The following PACSIN1 variants were observed in gnomAD, a reference collection of about 807,000 sequenced individuals.
PACSIN1 encodes the protein protein kinase C and casein kinase substrate in neurons protein 1.
In PACSIN1, 15 loss-of-function variants were observed where a neutral mutation model predicts 59.5. The ratio of observed to expected loss-of-function variants is 0.25; its 90% confidence interval spans 0.17 to 0.39. The LOEUF is 0.39. PACSIN1 is among the 10% of genes least tolerant of loss of function. PACSIN1 has a pLI of 1.00. For missense variants in PACSIN1, 420 were observed against 580.2 expected (o/e 0.72, Z 2.84); for synonymous variants, 210 against 220.6 (o/e 0.95, Z 0.42).
At chr6:34,478,521 C>A (rs888717529) in intron 1 of PACSIN1, among the ~76,000 whole-genome samples, 40 of 151,682 alleles carry the variant, frequency 2.6e-4, no homozygotes, top group Admixed American at 3.3e-4. Flanking sequence ...TGCAGGCATG[C>A]GTCACCACAC....
Position 34,529,853 on chromosome 6 carries a change from T to C in PACSIN1, c.788+12T>C. 6.2e-7 allele frequency: 1 copy of C among 1,611,524 alleles called. No homozygotes were observed. Among genetic ancestry groups the C allele is most frequent in the Non-Finnish European group, 8.5e-7 (1 of 1,178,852 alleles). On this transcript the variant is annotated intron_variant, in intron 6 of 9. Coordinates refer to ENST00000244458, the MANE Select transcript of PACSIN1 (RefSeq NM_020804.5). This position sits in a 1 kb window ranked among gnomAD's most constrained non-coding sequence, Gnocchi z 6.3. ...GCTGAGAACAGCAGGTACCTGGGCA[T>C]GGCAGGCACCGAGGGCACAGGCACA...
intron 1 of PACSIN1, among the ~76,000 whole-genome samples, chr6:34,472,593 C>T (rs1766587251): frequency 6.6e-6 from 1 of 152,176 alleles, no homozygotes; most frequent in Non-Finnish European, 1.5e-5. Flanking sequence ...ACGTAAACTC[C>T]ATTCCCCTTA....
At chr6:34,492,674 G>A (rs1195649063) in intron 1 of PACSIN1, among the ~76,000 whole-genome samples, 1 of 152,204 alleles carries the variant, frequency 6.6e-6, no homozygotes, top group African/African-American at 2.4e-5. Context: ...GAGCCACTAC[G>A]CCCGGCCTGG....
rs1051037657 is a variant in PACSIN1, at chr6:34,521,164, G to A, written c.-63-5079G>A. ...GACATTCCTGTGGGAAGGAGGACACGCAACGTGATGAATGCCGTGCTGTGG... is the reference window on the plus strand; with the variant it reads ...GACATTCCTGTGGGAAGGAGGACACACAACGTGATGAATGCCGTGCTGTGG... On this transcript the variant is annotated intron_variant, in intron 1 of 9. Coordinates refer to ENST00000244458, the MANE Select transcript of PACSIN1 (RefSeq NM_020804.5). The surrounding 1 kb of genome is among the most constrained non-coding windows in gnomAD (Gnocchi z 4.3). 9.2e-5 allele frequency among the ~76,000 whole-genome samples: 14 copies of A among 152,198 alleles called. No homozygotes were observed. The highest frequency in any genetic ancestry group is 2.9e-4 in the African/African-American group (12 of 41,442).
Position 34,530,561 on chromosome 6 carries a change from C to T in PACSIN1, c.1011C>T (p.Ser337=). Residue 337 remains serine, a synonymous_variant, in exon 8 of 10, where the codon TCC becomes TCT. Transcript: ENST00000244458. This position sits in a 1 kb window ranked among gnomAD's most constrained non-coding sequence, Gnocchi z 4.4. ...ALTNATGAVE[S]TSQAGDRGSV... ...CCAATGCCACTGGGGCGGTAGAGTC[C>T]ACATCCCAGGCTGGGGACCGCGGCA... The T allele has an allele frequency of 6.3e-7, 1 of 1,596,338 alleles. No individual in the cohort carries two copies. Among genetic ancestry groups the T allele is most frequent in the Non-Finnish European group, 8.5e-7 (1 of 1,170,970 alleles).
intron 1 of PACSIN1, among the ~76,000 whole-genome samples, chr6:34,502,372 G>T (rs73746659): frequency 0.019 from 2,951 of 152,152 alleles, 65 homozygotes; most frequent in African/African-American, 0.057. Flanking sequence ...GAGGGAAACA[G>T]GGGAAGGGAC....
rs1469440205 is a variant in PACSIN1, at chr6:34,531,593, G to A, written c.1038-7G>A. On this transcript the variant is annotated splice_region_variant and splice_polypyrimidine_tract_variant and intron_variant, in intron 8 of 9. Transcript: ENST00000244458. This position sits in a 1 kb window ranked among gnomAD's most constrained non-coding sequence, Gnocchi z 4.4. Reference sequence around the variant, plus strand: ...CATTGAAGCTGGCTCCTTCCTCCGCGTCTCAGTGTTAGCAGCTACGACAGA... The same window carrying A: ...CATTGAAGCTGGCTCCTTCCTCCGCATCTCAGTGTTAGCAGCTACGACAGA... 3 of 1,613,214 alleles carry A rather than the reference G, an allele frequency of 1.9e-6. No individual in the cohort carries two copies. The highest frequency in any genetic ancestry group is 2.5e-6 in the Non-Finnish European group (3 of 1,179,752).
At chr6:34,504,444 C>A (rs1005803242) in intron 1 of PACSIN1, among the ~76,000 whole-genome samples, 1 of 152,056 alleles carries the variant, frequency 6.6e-6, no homozygotes, top group African/African-American at 2.4e-5. Flanking sequence ...GTGCCCAACA[C>A]CGCACCCAGA....
chr6:34,510,996 A>C (rs1016191142), intron 1 of PACSIN1, among the ~76,000 whole-genome samples: 9 of 152,146 alleles, frequency 5.9e-5, no homozygotes, highest in African/African-American at 2.2e-4. Flanking sequence ...TACAGGTGTG[A>C]GCCACCGCAC....
At chr6:34,494,447 C>G (rs1435554269) in intron 1 of PACSIN1, among the ~76,000 whole-genome samples, 1 of 152,060 alleles carries the variant, frequency 6.6e-6, no homozygotes, top group African/African-American at 2.4e-5. Flanking sequence ...CATTTCTTTT[C>G]TTTGTTCTTT....
At chr6:34,527,587 C>A in intron 3 of PACSIN1, 99 bp downstream of exon 3, 1 of 1,100,244 alleles carries the variant, frequency 9.1e-7, no homozygotes, top group Non-Finnish European at 1.2e-6. Context: ...ACCATGCCCT[C>A]CATCTACCAG....
intron 1 of PACSIN1, among the ~76,000 whole-genome samples, chr6:34,526,011 G>C (rs1343087491): frequency 6.6e-6 from 1 of 152,060 alleles, no homozygotes; most frequent in African/African-American, 2.4e-5. Context: ...ATACTGGATA[G>C]AGGATGGATT....
intron 1 of PACSIN1, among the ~76,000 whole-genome samples, chr6:34,480,652 T>C (rs1306754574): frequency 6.6e-6 from 1 of 152,170 alleles, no homozygotes; most frequent in East Asian, 1.9e-4. Context: ...CTGGCTTCCA[T>C]GAAGGGATAA....
intron 1 of PACSIN1, among the ~76,000 whole-genome samples, chr6:34,489,465 G>A (rs991050313): frequency 1.3e-5 from 2 of 152,146 alleles, no homozygotes; most frequent in African/African-American, 4.8e-5. Flanking sequence ...GAGACCCGCA[G>A]GCCTCCACGT....
rs1409584704 is a variant in PACSIN1, at chr6:34,530,938, G to A, written c.1037+351G>A. On this transcript the variant is annotated intron_variant, in intron 8 of 9. Coordinates refer to ENST00000244458, the MANE Select transcript of PACSIN1 (RefSeq NM_020804.5). This position sits in a 1 kb window ranked among gnomAD's most constrained non-coding sequence, Gnocchi z 4.4. ...CGCTCCTATGAGAATCTAACGCCGCGGCTGATCTAACAGGAGGTGCAGCTC... is the reference window on the plus strand; with the variant it reads ...CGCTCCTATGAGAATCTAACGCCGCAGCTGATCTAACAGGAGGTGCAGCTC... 3.3e-5 allele frequency among the ~76,000 whole-genome samples: 5 copies of A among 152,176 alleles called. No homozygotes were observed. The highest frequency in any genetic ancestry group is 9.7e-5 in the African/African-American group (4 of 41,442).
At chr6:34,480,441 G>C (rs2127244460) in intron 1 of PACSIN1, among the ~76,000 whole-genome samples, 1 of 151,336 alleles carries the variant, frequency 6.6e-6, no homozygotes, top group South Asian at 2.1e-4. Context: ...GCCCAGGCTG[G>C]TCTTGAACTC....
intron 1 of PACSIN1, among the ~76,000 whole-genome samples, chr6:34,511,792 G>C (rs528024753): frequency 6.6e-6 from 1 of 152,346 alleles, no homozygotes; most frequent in African/African-American, 2.4e-5. Context: ...AGCACTGATT[G>C]CATTTTCCCT....
Position 34,511,783 on chromosome 6 carries a change from G to A in PACSIN1, c.-63-14460G>A, listed in dbSNP as rs116761227. ...TGAGATGCAAAGCAGCAGCTAATGA[G>A]CACTGATTGCATTTTCCCTGGCTCT... On this transcript the variant is annotated intron_variant, in intron 1 of 9. Coordinates refer to ENST00000244458, the MANE Select transcript of PACSIN1 (RefSeq NM_020804.5). Among the ~76,000 whole-genome samples the A allele has an allele frequency of 3.2e-3, 495 of 152,332 alleles. 4 individuals carry two copies. Among genetic ancestry groups the A allele is most frequent in the African/African-American group, 0.011 (462 of 41,568 alleles).
rs1368841085 is a variant in PACSIN1, at chr6:34,496,929, T to TTC, written c.-63-29302_-63-29301dup. Among the ~76,000 whole-genome samples the TTC allele has an allele frequency of 6.5e-4, 93 of 143,492 alleles. 1 individual carries two copies. Among genetic ancestry groups the TTC allele is most frequent in the South Asian group, 4.0e-3 (18 of 4,544 alleles). The allele number at this position is 143,492 out of a possible 152,430, so 94.1% of individuals were successfully genotyped here. A position where few individuals can be genotyped will look rare whatever the true frequency, so the allele number is the denominator to read the frequency against. ...AATAGAGATAATGATATGCATCTCTTTCTCTCTCTCTCTTTTTTTTTTTTT... is the reference window on the plus strand; with the variant it reads ...AATAGAGATAATGATATGCATCTCTTTCTCTCTCTCTCTCTTTTTTTTTTTTT... On this transcript the variant is annotated intron_variant, in intron 1 of 9. Coordinates refer to ENST00000244458, the MANE Select transcript of PACSIN1 (RefSeq NM_020804.5).
Sources: gnomAD v4.1 joint callset for allele counts (sites outside exome capture counted in the v4.1 genomes callset) on GRCh38, gnomAD v4.1.1 for gene constraint, Gnocchi (gnomAD v3.1) non-coding constraint, MANE v1.5 for transcripts, NCBI Gene and HGNC (gene_info 2026-07-23, HGNC 2026-07-21) for gene names.